Variants in STYK1 observed in about 807,000 individuals in gnomAD.
The protein encoded by STYK1 is tyrosine-protein kinase STYK1.
In STYK1, 46 loss-of-function variants were observed where a neutral mutation model predicts 48.1. The observed-to-expected ratio is 0.96, with a 90% CI of 0.75 to 1.22. The LOEUF is 1.22. Ranked by LOEUF, STYK1 falls within the 50% of genes most tolerant of loss-of-function variation. STYK1 has a pLI of 0.00. For synonymous variants in STYK1, 188 were observed against 189.0 expected (o/e 0.99, Z 0.04); for missense variants, 527 against 521.1 (o/e 1.01, Z -0.11).
chr12:10,624,949 C>T, intron 7 of STYK1, 90 bp from the exon 8 acceptor site: 1 of 1,137,074 alleles, frequency 8.8e-7, no homozygotes, highest in Non-Finnish European at 1.3e-6. Context: ...TCTTCAAAAA[C>T]ACAAGGACAT....
At chr12:10,649,210 A>T (rs1197564331) in intron 1 of STYK1, among the ~76,000 whole-genome samples, 1 of 152,204 alleles carries the variant, frequency 6.6e-6, no homozygotes, top group Non-Finnish European at 1.5e-5. Flanking sequence ...AAAAAAATCA[A>T]CCATGTGTTC....
At chr12:10,622,370 C>T (rs1019521528) in intron 9 of STYK1, among the ~76,000 whole-genome samples, 2 of 152,042 alleles carry the variant, frequency 1.3e-5, no homozygotes, top group Non-Finnish European at 2.9e-5. Flanking sequence ...TTGAAAACAT[C>T]CCTTGGATTT....
intron 1 of STYK1, among the ~76,000 whole-genome samples, chr12:10,649,175 G>A (rs1264605990): frequency 5.9e-5 from 9 of 152,110 alleles, no homozygotes; most frequent in Admixed American, 5.2e-4. Context: ...CTTGAAGGAG[G>A]AGAAATAGGT....
At chr12:10,625,008 C>G in intron 7 of STYK1, 149 bp from the exon 8 acceptor site, 1 of 666,242 alleles carries the variant, frequency 1.5e-6, no homozygotes, top group South Asian at 1.8e-5. Flanking sequence ...ACTTCCAAAG[C>G]ATGCTAATGA....
In STYK1 at chr12:10,619,766, A is replaced by C. The variant is rs771873292; in HGVS notation, c.*378T>G. 3.6e-5 allele frequency: 14 copies of C among 391,298 alleles called. No homozygotes were observed. In the Admixed American group the frequency reaches 5.8e-4, roughly 16 times the overall value. 24.2% of individuals were successfully genotyped at this position (391,298 alleles called of 1,614,324 possible). A position where few individuals can be genotyped will look rare whatever the true frequency, so the allele number is the denominator to read the frequency against. ...TCTTTTATTGGATTTCTATTCCTTCATTTCATTCCAAATTTTCATCTAGAT... is the reference window on the plus strand; with the variant it reads ...TCTTTTATTGGATTTCTATTCCTTCCTTTCATTCCAAATTTTCATCTAGAT... On this transcript the variant is annotated 3_prime_UTR_variant, in exon 11 of 11. Transcript: ENST00000075503.
At chr12:10,651,458 G>T (rs533895609) in intron 1 of STYK1, among the ~76,000 whole-genome samples, 1 of 151,916 alleles carries the variant, frequency 6.6e-6, no homozygotes, top group Non-Finnish European at 1.5e-5. Flanking sequence ...CTGTAAATTG[G>T]GTTTGCAATA....
rs375695983 is a variant in STYK1 at position 10,642,756 on chromosome 12, G to A, written c.-194-5560C>T. ...AGCAGAAATAGTACAGCTGCCAGTA[G>A]ATATCTGAATTTAACAATCATGTTG... On this transcript the variant is annotated intron_variant, in intron 1 of 10. Transcript: ENST00000075503. 1.1e-4 allele frequency among the ~76,000 whole-genome samples: 17 copies of A among 152,250 alleles called. No individual in the cohort carries two copies. In the South Asian group the frequency reaches 3.5e-3, roughly 32 times the overall value.
Position 10,672,528 on chromosome 12 carries a change from G to A in STYK1, c.-195+1438C>T, listed in dbSNP as rs1476621539. Among the ~76,000 whole-genome samples the A allele has an allele frequency of 6.6e-6, 1 of 152,110 alleles. No individual in the cohort carries two copies. The highest frequency in any genetic ancestry group is 2.4e-5 in the African/African-American group (1 of 41,408). On this transcript the variant is annotated intron_variant, in intron 1 of 10. Transcript: ENST00000075503. The surrounding 1 kb of genome is among the most constrained non-coding windows in gnomAD (Gnocchi z 4.0). Reference sequence around the variant, plus strand: ...GGTGTGATTACAGGTGTGAGCCACCGTGCCCACTAGCATTAGATTGTCATA... The same window carrying A: ...GGTGTGATTACAGGTGTGAGCCACCATGCCCACTAGCATTAGATTGTCATA...
At chr12:10,661,297 C>G (rs1295345021) in intron 1 of STYK1, among the ~76,000 whole-genome samples, 2 of 152,150 alleles carry the variant, frequency 1.3e-5, no homozygotes, top group Non-Finnish European at 2.9e-5. Flanking sequence ...CATATGTCCC[C>G]TCTAACATAA....
intron 1 of STYK1, among the ~76,000 whole-genome samples, chr12:10,638,778 G>A (rs1947512884): frequency 6.6e-6 from 1 of 152,170 alleles, no homozygotes; most frequent in South Asian, 2.1e-4. Context: ...CCTGCACTCT[G>A]CCTGCTTATG....
At chr12:10,648,610 ATTATTTATTTAT>A (rs549570751) in intron 1 of STYK1, among the ~76,000 whole-genome samples, 3 of 151,980 alleles carry the variant, frequency 2.0e-5, no homozygotes, top group Non-Finnish European at 4.4e-5. Context: ...AAGACAAAAT[ATTATTTATTTAT>A]TTATTTATTT....
rs757218826 is a variant in STYK1, at chr12:10,672,249, C to T, written c.-195+1717G>A. Among the ~76,000 whole-genome samples, 1 of 152,090 alleles carries T rather than the reference C, an allele frequency of 6.6e-6. No homozygotes were observed. Among genetic ancestry groups the T allele is most frequent in the East Asian group, 1.9e-4 (1 of 5,192 alleles). On this transcript the variant is annotated intron_variant, in intron 1 of 10. Coordinates refer to ENST00000075503, the MANE Select transcript of STYK1 (RefSeq NM_018423.3). The surrounding 1 kb of genome is among the most constrained non-coding windows in gnomAD (Gnocchi z 4.0). Reference sequence around the variant, plus strand: ...AGCCAGAGGTCACCAACACCCGGGGCGCCGACAGGTACGGGGTGCACAGCA... The same window carrying T: ...AGCCAGAGGTCACCAACACCCGGGGTGCCGACAGGTACGGGGTGCACAGCA...
At chr12:10,652,754 G>A (rs1270972327) in intron 1 of STYK1, among the ~76,000 whole-genome samples, 1 of 148,976 alleles carries the variant, frequency 6.7e-6, no homozygotes, top group East Asian at 2.0e-4. Context: ...CGAGTCTAAG[G>A]AGAGGTAATA....
intron 1 of STYK1, among the ~76,000 whole-genome samples, chr12:10,663,504 A>C (rs767060098): frequency 2.8e-5 from 4 of 143,844 alleles, no homozygotes; most frequent in Middle Eastern, 3.8e-3. Context: ...GAGGCTGAGG[A>C]AGGAGAATGG....
intron 1 of STYK1, among the ~76,000 whole-genome samples, chr12:10,639,253 T>C (rs1947518076): frequency 6.6e-6 from 1 of 152,198 alleles, no homozygotes; most frequent in African/African-American, 2.4e-5. Flanking sequence ...GAATTACTTG[T>C]TACCAACATC....
chr12:10,621,138 A>G (rs1365010287), intron 10 of STYK1, among the ~76,000 whole-genome samples: 1 of 152,224 alleles, frequency 6.6e-6, no homozygotes, highest in Non-Finnish European at 1.5e-5. Flanking sequence ...AACAATTCTA[A>G]TAAAAACATT....
rs371676746 is a variant in STYK1, at chr12:10,657,786, CACTT to C, written c.-195+16176_-195+16179del. Among the ~76,000 whole-genome samples, 843 of 152,336 alleles carry C rather than the reference CACTT, an allele frequency of 5.5e-3. 10 individuals carry two copies. The highest frequency in any genetic ancestry group is 0.019 in the African/African-American group (789 of 41,566). The stretch of plus-strand genomic sequence containing the variant: ...TTCACACCTAGTACCTAATTAAAAT[CACTT>C]ACTTACCAGGTTTTGCACCAAAAAT... On this transcript the variant is annotated intron_variant, in intron 1 of 10. Transcript: ENST00000075503.
At chr12:10,622,056 G>T (rs1243438311) in intron 9 of STYK1, 84 bp from the exon 10 acceptor site, 13 of 1,254,730 alleles carry the variant, frequency 1.0e-5, no homozygotes, top group Non-Finnish European at 1.5e-5. Context: ...ACTTGGGTTG[G>T]TTGCTTGCAA....
intron 7 of STYK1, 52 bp downstream of exon 7, chr12:10,627,589 A>G: frequency 6.6e-7 from 1 of 1,505,364 alleles, no homozygotes; most frequent in Non-Finnish European, 9.1e-7. Flanking sequence ...CATCAAAAAC[A>G]AGGCTAACAA....
Sources: gnomAD v4.1 joint callset for allele counts (sites outside exome capture counted in the v4.1 genomes callset) on GRCh38, gnomAD v4.1.1 for gene constraint, Gnocchi (gnomAD v3.1) non-coding constraint, MANE v1.5 for transcripts, NCBI Gene and HGNC (gene_info 2026-07-23, HGNC 2026-07-21) for gene names.